Variants in ABL1 observed in about 807,000 individuals in gnomAD.
ABL1 encodes the protein tyrosine-protein kinase ABL1.
In ABL1, 11 loss-of-function variants were observed where a neutral mutation model predicts 94.7. The observed-to-expected ratio is 0.12, with a 90% CI of 0.07 to 0.19. ABL1 has a LOEUF of 0.19. Ranked by LOEUF, ABL1 falls within the 10% of genes least tolerant of loss-of-function variation. ABL1 has a pLI of 1.00. For missense variants in ABL1, 1,082 were observed against 1,489.4 expected, an observed-to-expected ratio of 0.73 and a Z score of 4.50; for synonymous variants, 656 against 622.4, an observed-to-expected ratio of 1.05 and a Z score of -0.80.
chr9:130,819,452 C>A (rs573616775), intron 1 of ABL1, among the ~76,000 whole-genome samples: 2 of 152,082 alleles, frequency 1.3e-5, no homozygotes, highest in South Asian at 4.1e-4. Context: ...ATGAAAGGGC[C>A]ATTCCCAAAT....
At chr9:130,788,172 T>C (rs1564290142) in intron 1 of ABL1, among the ~76,000 whole-genome samples, 1 of 152,218 alleles carries the variant, frequency 6.6e-6, no homozygotes. Context: ...CCACCATTGG[T>C]TTAAGTTTGA....
At chr9:130,714,454 T>C (rs1831410151) in exon 1 of ABL1, 2 of 1,614,168 alleles carry the variant, frequency 1.2e-6, no homozygotes, top group African/African-American at 1.3e-5. Flanking sequence ...TTGTGGAACA[T>C]GGTGAGTGCT....
At chr9:130,840,585 A>G (rs950646857) in intron 1 of ABL1, among the ~76,000 whole-genome samples, 1 of 152,244 alleles carries the variant, frequency 6.6e-6, no homozygotes, top group Non-Finnish European at 1.5e-5. Flanking sequence ...CTTTTCCTCC[A>G]TAATGGTGGA....
At chr9:130,822,953 AC>A (rs1830383759) in intron 1 of ABL1, among the ~76,000 whole-genome samples, 1 of 151,966 alleles carries the variant, frequency 6.6e-6, no homozygotes, top group Non-Finnish European at 1.5e-5. Flanking sequence ...TTGCACCACC[AC>A]ACCCAGCTAA....
intron 4 of ABL1, among the ~76,000 whole-genome samples, chr9:130,866,784 C>G (rs967315654): frequency 6.6e-6 from 1 of 152,164 alleles, no homozygotes; most frequent in Non-Finnish European, 1.5e-5. Flanking sequence ...CATAGTCTTG[C>G]TATCTGTGTT....
chr9:130,877,176 G>C (rs1219867804), intron 7 of ABL1, among the ~76,000 whole-genome samples: 1 of 147,922 alleles, frequency 6.8e-6, no homozygotes, highest in Non-Finnish European at 1.5e-5. Flanking sequence ...CTTCACATTA[G>C]CTCCTAGTCA....
chr9:130,796,202 G>A (rs1181359049), intron 1 of ABL1, among the ~76,000 whole-genome samples: 1 of 151,138 alleles, frequency 6.6e-6, no homozygotes, highest in African/African-American at 2.4e-5. Context: ...AAAAAATAGG[G>A]ATTTATAAAA....
intron 7 of ABL1, among the ~76,000 whole-genome samples, chr9:130,876,733 C>CTTTTT (rs755840936): frequency 0.041 from 3,388 of 83,034 alleles, 197 homozygotes; most frequent in African/African-American, 0.069. Context: ...AAGTTGGTTT[C>CTTTTT]TTTTTTTTTT....
intron 1 of ABL1, among the ~76,000 whole-genome samples, chr9:130,728,266 T>A (rs1373345685): frequency 8.2e-6 from 1 of 121,294 alleles, no homozygotes; most frequent in South Asian, 2.7e-4. Context: ...CGGGGTTTCA[T>A]CATGTTACCC....
intron 1 of ABL1, among the ~76,000 whole-genome samples, chr9:130,771,623 TTTTA>T (rs1234053607): frequency 6.6e-6 from 1 of 152,078 alleles, no homozygotes. Context: ...AAGCTGATGT[TTTTA>T]TTTATTTATT....
At chr9:130,841,544 G>T (rs1214026036) in intron 1 of ABL1, among the ~76,000 whole-genome samples, 1 of 152,010 alleles carries the variant, frequency 6.6e-6, no homozygotes, top group Admixed American at 6.6e-5. Flanking sequence ...GGGCGCGGTG[G>T]CTGACGCCTG....
intron 1 of ABL1, among the ~76,000 whole-genome samples, chr9:130,822,136 C>T (rs974155109): frequency 6.6e-6 from 1 of 151,864 alleles, no homozygotes; most frequent in Non-Finnish European, 1.5e-5. Flanking sequence ...CCATGCCTGG[C>T]AAATTTTGTA....
At chr9:130,728,691 GT>G (rs34768457) in intron 1 of ABL1, among the ~76,000 whole-genome samples, 16 of 147,398 alleles carry the variant, frequency 1.1e-4, no homozygotes, top group Non-Finnish European at 1.2e-4. Flanking sequence ...CGCCCAGCCT[GT>G]TTTTTTTTTT....
chr9:130,805,995 A>G (rs1830119037), intron 1 of ABL1, among the ~76,000 whole-genome samples: 1 of 152,210 alleles, frequency 6.6e-6, no homozygotes, highest in South Asian at 2.1e-4. Flanking sequence ...GTGGAATTAT[A>G]CCAGTCAGAG....
Position 130,863,065 on chromosome 9 carries a change from G to C in ABL1, c.822+30G>C, listed in dbSNP as rs1338556793. The C allele has an allele frequency of 1.3e-6, 2 of 1,561,038 alleles. No individual in the cohort carries two copies. The highest frequency in any genetic ancestry group is 8.7e-7 in the Non-Finnish European group (1 of 1,150,324). ...GCTGGGACTGCCGGGGGTGCCCAGG[G>C]TACGTGGGGCAAGGCGTCTGCTGGC... On this transcript the variant is annotated intron_variant, in intron 4 of 10. Transcript: ENST00000318560. This position sits in a 1 kb window ranked among gnomAD's most constrained non-coding sequence, Gnocchi z 4.3.
At chr9:130,822,164 G>T (rs539113043) in intron 1 of ABL1, among the ~76,000 whole-genome samples, 2 of 152,208 alleles carry the variant, frequency 1.3e-5, no homozygotes, top group South Asian at 2.1e-4. Flanking sequence ...TAGAGACGAG[G>T]TTTCACCATG....
intron 1 of ABL1, among the ~76,000 whole-genome samples, chr9:130,719,154 T>C (rs936363574): frequency 2.0e-5 from 3 of 152,166 alleles, no homozygotes; most frequent in African/African-American, 7.2e-5. Context: ...GGAGAAAACT[T>C]TCTCTTTTTG....
rs896873670 is a variant in ABL1 at position 130,845,625 on chromosome 9, T to C, written c.80-8439T>C. Among the ~76,000 whole-genome samples, 28 of 152,166 alleles carry C rather than the reference T, an allele frequency of 1.8e-4. 1 individual carries two copies. Among genetic ancestry groups the C allele is most frequent in the Admixed American group, 1.5e-3 (23 of 15,268 alleles). On this transcript the variant is annotated intron_variant, in intron 1 of 10. Coordinates refer to ENST00000318560, the MANE Select transcript of ABL1 (RefSeq NM_005157.6). ...CCAGGTGTTTGATATCAGGTGACGG[T>C]TGTGATCATTGTTCGCACCACTACT... is the stretch of plus-strand genomic sequence containing the variant.
rs200555400 is a variant in ABL1 at position 130,835,753 on chromosome 9, TTCTC to T, written c.79+236_79+239del. ...TTTCTCTTCTCTTGTCTCTCTCTTT[TTCTC>T]TCTCTCTGTCTCTTTCTCTTTCTCG... On this transcript the variant is annotated intron_variant, in intron 1 of 10. Coordinates refer to ENST00000318560, the MANE Select transcript of ABL1 (RefSeq NM_005157.6). The surrounding 1 kb of genome is among the most constrained non-coding windows in gnomAD (Gnocchi z 4.6). Among the ~76,000 whole-genome samples the T allele has an allele frequency of 7.3e-3, 1,105 of 152,004 alleles. 5 individuals are homozygous for T. Among genetic ancestry groups the T allele is most frequent in the Middle Eastern group, 0.014 (4 of 294 alleles).
Sources: gnomAD v4.1 joint callset for allele counts (sites outside exome capture counted in the v4.1 genomes callset) on GRCh38, gnomAD v4.1.1 for gene constraint, Gnocchi (gnomAD v3.1) non-coding constraint, MANE v1.5 for transcripts, NCBI Gene and HGNC (gene_info 2026-07-23, HGNC 2026-07-21) for gene names.